The following RNF144A variants were observed in gnomAD, a reference collection of about 807,000 sequenced individuals.
RNF144A encodes the protein ring finger protein 144A.
In RNF144A, 11 loss-of-function variants were observed where a neutral mutation model predicts 38.7. The observed-to-expected ratio is 0.28, with a 90% CI of 0.18 to 0.47. The LOEUF is 0.47. Ranked by LOEUF, RNF144A falls within the 20% of genes least tolerant of loss-of-function variation. The probability of loss-of-function intolerance (pLI) is 0.99; values close to 1 mark genes in which losing one functional copy is unlikely to be tolerated. For missense variants in RNF144A, 316 were observed against 377.2 expected, an observed-to-expected ratio of 0.84 and a Z score of 1.34; for synonymous variants, 149 against 143.9, an observed-to-expected ratio of 1.04 and a Z score of -0.25.
At chr2:6,924,177 G>A (rs1664718297) in intron 1 of RNF144A, among the ~76,000 whole-genome samples, 1 of 152,234 alleles carries the variant, frequency 6.6e-6, no homozygotes, top group East Asian at 1.9e-4. Flanking sequence ...TAAGAGTGAG[G>A]ATGGTAGAAT....
At chr2:7,032,086 C>A (rs1204528041) in intron 8 of RNF144A, among the ~76,000 whole-genome samples, 2 of 152,278 alleles carry the variant, frequency 1.3e-5, no homozygotes, top group African/African-American at 4.8e-5. Flanking sequence ...ATGATGAAGG[C>A]AGATTTGGCC....
At chr2:7,048,252 C>T (rs913489588), downstream of RNF144A, among the ~76,000 whole-genome samples, 2 of 152,178 alleles carry the variant, frequency 1.3e-5, no homozygotes, top group Admixed American at 6.5e-5. Flanking sequence ...CAGATAATCG[C>T]ATACACAAGG....
chr2:6,949,957 A>AT lies in RNF144A; in HGVS notation c.-12+8817dup, dbSNP rs533813829. Among the ~76,000 whole-genome samples the AT allele has an allele frequency of 6.7e-3, 1,019 of 152,124 alleles. 8 individuals are homozygous for AT. The highest frequency in any genetic ancestry group is 0.023 in the African/African-American group (956 of 41,464). On this transcript the variant is annotated intron_variant, in intron 2 of 8. Transcript: ENST00000320892. Reference sequence around the variant, plus strand: ...CATCATCACCATTATTATTATTATTATTTTTTTATTTACCCCTCTAGAAAA... The same window carrying AT: ...CATCATCACCATTATTATTATTATTATTTTTTTTATTTACCCCTCTAGAAAA...
intron 1 of RNF144A, among the ~76,000 whole-genome samples, chr2:6,937,057 G>A (rs1473047978): frequency 6.6e-6 from 1 of 152,128 alleles, no homozygotes; most frequent in African/African-American, 2.4e-5. Flanking sequence ...AACCCAGTAC[G>A]TACATTCCTG....
At chr2:6,995,642 G>A (rs1306411512) in intron 2 of RNF144A, among the ~76,000 whole-genome samples, 1 of 152,198 alleles carries the variant, frequency 6.6e-6, no homozygotes, top group Non-Finnish European at 1.5e-5. Context: ...ACAGGAGAAC[G>A]ACAGAGGCCA....
intron 2 of RNF144A, among the ~76,000 whole-genome samples, chr2:6,995,756 G>T (rs1261133902): frequency 6.6e-6 from 1 of 152,096 alleles, no homozygotes; most frequent in African/African-American, 2.4e-5. Context: ...AGGGTGGGTC[G>T]GCCTCTCCCA....
chr2:6,934,162 G>C (rs953792128), intron 1 of RNF144A, among the ~76,000 whole-genome samples: 1 of 152,172 alleles, frequency 6.6e-6, no homozygotes, highest in Non-Finnish European at 1.5e-5. Context: ...ACATTCAACA[G>C]TATTGGGTTT....
At chr2:6,980,486 G>T (rs1195401634) in intron 2 of RNF144A, among the ~76,000 whole-genome samples, 2 of 152,210 alleles carry the variant, frequency 1.3e-5, no homozygotes, top group African/African-American at 4.8e-5. Context: ...CTGAAATCTG[G>T]CCAGGCAGTC....
intron 1 of RNF144A, among the ~76,000 whole-genome samples, chr2:6,936,346 C>A (rs991548111): frequency 3.3e-5 from 5 of 152,160 alleles, no homozygotes; most frequent in Admixed American, 3.3e-4. Context: ...CACACATGTG[C>A]ACACATAGAT....
At chr2:7,033,209 G>A (rs567963099) in intron 8 of RNF144A, among the ~76,000 whole-genome samples, 2 of 152,370 alleles carry the variant, frequency 1.3e-5, no homozygotes, top group East Asian at 1.9e-4. Flanking sequence ...TGGAATCTGT[G>A]GTGTGAACAG....
rs142864276 is a variant in RNF144A, at chr2:7,056,722, T to C, written c.735-11494T>C. ...CCCACTACACATTTTGTTCAGTCCT[T>C]GGGGCCCACACTTGATTCAAATTCC... On this transcript the variant is annotated intron_variant, in intron 6 of 6. Transcript: ENST00000432850. Among the ~76,000 whole-genome samples the C allele has an allele frequency of 3.3e-3, 502 of 152,296 alleles. 3 individuals carry two copies. Among genetic ancestry groups the C allele is most frequent in the South Asian group, 0.016 (77 of 4,826 alleles).
chr2:7,055,102 T>C (rs1416075883), intron 6 of RNF144A, among the ~76,000 whole-genome samples: 1 of 152,200 alleles, frequency 6.6e-6, no homozygotes, highest in African/African-American at 2.4e-5. Context: ...TACTGTCCTG[T>C]AGCTCTCACT....
intron 1 of RNF144A, among the ~76,000 whole-genome samples, chr2:6,936,728 C>A (rs911711189): frequency 6.6e-6 from 1 of 151,976 alleles, no homozygotes; most frequent in Non-Finnish European, 1.5e-5. Context: ...ATCTGTGTTC[C>A]GAGAAAGGTG....
intron 3 of RNF144A, among the ~76,000 whole-genome samples, chr2:7,000,335 A>T (rs1369964305): frequency 5.3e-5 from 8 of 152,158 alleles, no homozygotes; most frequent in Non-Finnish European, 1.2e-4. Flanking sequence ...GTGCTGGAGC[A>T]CTGGCCAGAG....
At chr2:6,979,241 G>T (rs1290930522) in intron 2 of RNF144A, among the ~76,000 whole-genome samples, 1 of 152,234 alleles carries the variant, frequency 6.6e-6, no homozygotes, top group African/African-American at 2.4e-5. Flanking sequence ...GGCCAAGGCT[G>T]TAGGGATCAC....
chr2:7,028,769 A>G (rs968345007), intron 7 of RNF144A, among the ~76,000 whole-genome samples: 1 of 152,186 alleles, frequency 6.6e-6, no homozygotes, highest in East Asian at 1.9e-4. Flanking sequence ...GTAGAAGAGA[A>G]AGGTGTGGCC....
rs182930960 is a variant in RNF144A, at chr2:6,937,738, C to T, written c.-211-3210C>T. Among the ~76,000 whole-genome samples the T allele has an allele frequency of 4.1e-4, 62 of 152,158 alleles. No homozygotes were observed. In the East Asian group the frequency reaches 9.8e-3, roughly 24 times the overall value. Reference sequence around the variant, plus strand: ...GGAGGGGAGAGGCTTGCTCTGTGCACGGCCAGGTGATGTTTGGAGGCTGGG... The same window carrying T: ...GGAGGGGAGAGGCTTGCTCTGTGCATGGCCAGGTGATGTTTGGAGGCTGGG... On this transcript the variant is annotated intron_variant, in intron 1 of 8. Coordinates refer to ENST00000320892, the MANE Select transcript of RNF144A (RefSeq NM_014746.6).
intron 2 of RNF144A, among the ~76,000 whole-genome samples, chr2:6,984,200 G>A (rs1012480943): frequency 3.9e-5 from 6 of 152,070 alleles, no homozygotes; most frequent in African/African-American, 9.7e-5. Context: ...CTGTCTCCCC[G>A]CTAGAGTGTA....
chr2:7,052,453 T>C (rs542268461), intron 6 of RNF144A, among the ~76,000 whole-genome samples: 1 of 152,362 alleles, frequency 6.6e-6, no homozygotes, highest in East Asian at 1.9e-4. Context: ...AGCCAGAATA[T>C]GAGCTGTCCT....
Sources: gnomAD v4.1 joint callset for allele counts (sites outside exome capture counted in the v4.1 genomes callset) on GRCh38, gnomAD v4.1.1 for gene constraint, MANE v1.5 for transcripts, NCBI Gene and HGNC (gene_info 2026-07-23, HGNC 2026-07-21) for gene names.